Variants in SETX observed in about 807,000 individuals in gnomAD.
SETX encodes helicase senataxin.
A neutral mutation model predicts 227.2 loss-of-function variants in SETX; 90 were observed. That is an observed-to-expected ratio of 0.40 (90% CI 0.33 to 0.47). SETX has a LOEUF of 0.47. Among genes scored for constraint, SETX ranks in the 20% least tolerant of loss-of-function variants. The pLI, the probability that SETX is intolerant of heterozygous loss-of-function variation, is 0.91. For missense variants in SETX, 3,052 were observed against 3,181.5 expected, an observed-to-expected ratio of 0.96 and a Z score of 0.98; for synonymous variants, 1,210 against 1,113.2, an observed-to-expected ratio of 1.09 and a Z score of -1.73.
chr9:132,338,562 C>T (rs1847778457), intron 5 of SETX, among the ~76,000 whole-genome samples: 1 of 152,094 alleles, frequency 6.6e-6, no homozygotes, highest in African/African-American at 2.4e-5. Context: ...ATGACCTCTC[C>T]AAAATTGTAT....
At chr9:132,275,012 G>T in intron 23 of SETX, 1 of 516,354 alleles carries the variant, frequency 1.9e-6, no homozygotes, top group East Asian at 3.2e-5. Flanking sequence ...TAAAGACCTG[G>T]CAAGTTTCTT....
At position 132,264,413 on chromosome 9, in the gene SETX, G is replaced by A. The variant is rs778362262; in HGVS notation, c.7860C>T (p.Ser2620=). The part of the protein sequence containing the change: ...AASPEASTCQ[S]KCDDPEEELC... ...GCTCCTCTTCCGGGTCATCACATTT[G>A]CTCTGACACGTGGAAGCCTCGGGAC... The change falls in exon 26 of 26, where the codon AGC becomes AGT. Residue 2620 remains serine (S), a synonymous_variant. Coordinates refer to ENST00000224140, the MANE Select transcript of SETX (RefSeq NM_015046.7). The A allele has an allele frequency of 3.1e-6, 5 of 1,614,108 alleles. No homozygotes were observed. Among genetic ancestry groups the A allele is most frequent in the Non-Finnish European group, 4.2e-6 (5 of 1,180,026 alleles).
At chr9:132,318,270 A>G (rs1303631841) in intron 10 of SETX, among the ~76,000 whole-genome samples, 1 of 151,978 alleles carries the variant, frequency 6.6e-6, no homozygotes, top group Non-Finnish European at 1.5e-5. Flanking sequence ...TATTTTTTCG[A>G]GAATATTTAA....
Position 132,264,542 on chromosome 9 carries a change from G to C in SETX, c.7731C>G (p.Phe2577Leu). The C allele has an allele frequency of 1.9e-6, 3 of 1,614,052 alleles. No homozygotes were observed. The highest frequency in any genetic ancestry group is 2.5e-6 in the Non-Finnish European group (3 of 1,180,002). The change falls in exon 26 of 26, where the codon TTC becomes TTG. Residue 2577 changes from phenylalanine (F) to leucine (L), a missense_variant. Phe to Leu is a conservative substitution (Grantham distance 22). Coordinates refer to ENST00000224140, the MANE Select transcript of SETX (RefSeq NM_015046.7). ...GGCTCAGGTCCTGGTGAACGACAGG[G>C]AAGCCCGGCTCGCCCGTAGGAGGTG... ...GATPPTGEPG[F>L]PVVHQDLSHI...
At chr9:132,278,436 T>A (rs914981477) in intron 20 of SETX, among the ~76,000 whole-genome samples, 179 bp from the exon 21 acceptor site, 1 of 112,786 alleles carries the variant, frequency 8.9e-6, no homozygotes, top group Non-Finnish European at 1.8e-5. Context: ...ATGCCATGAA[T>A]CTTTTTTTTT....
At chr9:132,277,697 T>C (rs1229482299) in intron 21 of SETX, among the ~76,000 whole-genome samples, 1 of 151,056 alleles carries the variant, frequency 6.6e-6, no homozygotes, top group Non-Finnish European at 1.5e-5. Context: ...GGCAGGTGGA[T>C]TGATTGAGCC....
In SETX at chr9:132,275,282, A is replaced by C. The variant is rs138508512; in HGVS notation, c.7074T>G (p.Asp2358Glu). ...YKAQKTMIQK[D>E]LDKEFDRKGP... ...CTTTTCTATCGAACTCTTTGTCCAA[A>C]TCCTTCTGAATCATCGTCTTCTGGG... is the stretch of plus-strand genomic sequence containing the variant. Residue 2358 changes from aspartate (D) to glutamate (E), a missense_variant, in exon 23 of 26, where the codon GAT becomes GAG. Physicochemically the swap from Asp to Glu is conservative, Grantham distance 45. Around this residue, in one of 10 missense-constraint regions of SETX, gnomAD observed 412 missense variants for 589.0 expected, o/e 0.70. Coordinates refer to ENST00000224140, the MANE Select transcript of SETX (RefSeq NM_015046.7). The C allele has an allele frequency of 1.2e-6, 2 of 1,614,126 alleles. No homozygotes were observed. Among genetic ancestry groups the C allele is most frequent in the Non-Finnish European group, 1.7e-6 (2 of 1,180,018 alleles).
intron 25 of SETX, among the ~76,000 whole-genome samples, chr9:132,267,612 T>C (rs889861886): frequency 3.9e-5 from 6 of 152,326 alleles, no homozygotes; most frequent in Non-Finnish European, 8.8e-5. Flanking sequence ...AGCTGACATG[T>C]CGGGAAGTTT....
chr9:132,277,806 A>C (rs1394674806), intron 21 of SETX, among the ~76,000 whole-genome samples: 1 of 106,148 alleles, frequency 9.4e-6, no homozygotes, highest in Non-Finnish European at 1.7e-5. Flanking sequence ...AAAAAAAAAA[A>C]AAAAAAGGAC....
At chr9:132,316,865 T>C (rs2131376967) in intron 10 of SETX, among the ~76,000 whole-genome samples, 1 of 152,346 alleles carries the variant, frequency 6.6e-6, no homozygotes, top group Admixed American at 6.5e-5. Flanking sequence ...GCAACTATCA[T>C]TCCCCCCATG....
chr9:132,297,206 T>C, intron 13 of SETX, 152 bp from the exon 14 acceptor site: 3 of 663,386 alleles, frequency 4.5e-6, no homozygotes, highest in Middle Eastern at 4.1e-4. Context: ...CAAAGTGACC[T>C]TTAATCTAAA....
rs1844781818 is a variant in SETX at position 132,298,187 on chromosome 9, CT to C, written c.5673del (p.Ala1892ProfsTer16). The stretch of plus-strand genomic sequence containing the variant: ...TTCCGACTACCCAACAGAGACATGG[CT>C]TTCAACTTCCTTTGTGTAGTTACCA... ...SSLVTTQRKL[K>X]AMSLLGSRNQ... On this transcript the variant is annotated frameshift_variant, in exon 13 of 26. Coordinates refer to ENST00000224140, the MANE Select transcript of SETX (RefSeq NM_015046.7). LOFTEE classifies it high-confidence loss of function. 5.0e-6 allele frequency: 8 copies of C among 1,614,096 alleles called. No individual in the cohort carries two copies. The highest frequency in any genetic ancestry group is 6.8e-6 in the Non-Finnish European group (8 of 1,179,988).
In SETX at chr9:132,311,648, T is replaced by C. The variant is rs149556737; in HGVS notation, c.5374+109A>G. 5.6e-4 allele frequency: 426 copies of C among 762,650 alleles called. 3 individuals are homozygous for C. The African/African-American group carries it at 6.7e-3, about 12-fold the overall frequency. The allele number at this position is 762,650 out of a possible 1,614,324, so 47.2% of individuals were successfully genotyped here. A position where few individuals can be genotyped will look rare whatever the true frequency, so the allele number is the denominator to read the frequency against. Reference sequence around the variant, plus strand: ...AGCATATTCTAAGAAGTCACAAATTTAGCTTAGAAAATTTGTGTCCCCCTA... The same window carrying C: ...AGCATATTCTAAGAAGTCACAAATTCAGCTTAGAAAATTTGTGTCCCCCTA... On this transcript the variant is annotated intron_variant, in intron 11 of 25. Transcript: ENST00000224140.
intron 2 of SETX, among the ~76,000 whole-genome samples, chr9:132,352,194 T>C (rs492082): frequency 0.78 from 118,974 of 152,110 alleles, 47,324 homozygotes; most frequent in Non-Finnish European, 0.86. Flanking sequence ...ATCCAATAGG[T>C]TCCTGACCTG....
chr9:132,318,643 TG>T (rs1846143629), intron 10 of SETX, among the ~76,000 whole-genome samples: 1 of 152,130 alleles, frequency 6.6e-6, no homozygotes, highest in Non-Finnish European at 1.5e-5. Context: ...GCCCTAGGGA[TG>T]GGAGGGAACA....
chr9:132,310,017 G>A (rs893451390), intron 11 of SETX, among the ~76,000 whole-genome samples: 1 of 152,154 alleles, frequency 6.6e-6, no homozygotes, highest in African/African-American at 2.4e-5. Flanking sequence ...GAGTCAGTAT[G>A]TAAGTCAAAG....
In SETX at chr9:132,263,451, T is replaced by C. The variant is rs951581962; in HGVS notation, c.*788A>G. On this transcript the variant is annotated 3_prime_UTR_variant, in exon 26 of 26. Transcript: ENST00000224140. ...CAATATGCTGGGAGCATTTGAATGA[T>C]AGCTCAAGAATTATTCTTTCACTCC... 2.6e-5 allele frequency: 4 copies of C among 152,252 alleles called. No homozygotes were observed. The highest frequency in any genetic ancestry group is 4.8e-5 in the African/African-American group (2 of 41,468). The allele number at this position is 152,252 out of a possible 1,614,324, so 9.4% of individuals were successfully genotyped here.
At position 132,327,649 on chromosome 9, in the gene SETX, C is replaced by T. The variant is rs372877469; in HGVS notation, c.3949G>A (p.Val1317Ile). 1.9e-6 allele frequency: 3 copies of T among 1,613,874 alleles called. No homozygotes were observed. The East Asian group carries it at 6.7e-5, about 36-fold the overall frequency. The change falls in exon 10 of 26, where the codon GTT becomes ATT. Residue 1317 changes from valine (V) to isoleucine (I), a missense_variant. Val to Ile is a conservative substitution (Grantham distance 29). Coordinates refer to ENST00000224140, the MANE Select transcript of SETX (RefSeq NM_015046.7). The stretch of plus-strand genomic sequence containing the variant: ...TTTTTTCGGGTATCAACTACTCCAA[C>T]AGTTTTGCCATGATCACGTAATTGA... ...VAQLRDHGKTVGVVDTRKKTK... is the reference protein window; with the variant it reads ...VAQLRDHGKTIGVVDTRKKTK...
At chr9:132,315,887 G>A (rs1845936245) in intron 10 of SETX, among the ~76,000 whole-genome samples, 1 of 152,130 alleles carries the variant, frequency 6.6e-6, no homozygotes, top group Non-Finnish European at 1.5e-5. Context: ...ATCCACTACA[G>A]CTGTGTTAGT....
Sources: gnomAD v4.1 joint callset for allele counts (sites outside exome capture counted in the v4.1 genomes callset) on GRCh38, gnomAD v4.1.1 for gene constraint, gnomAD v4.1.1 regional missense constraint, MANE v1.5 for transcripts, NCBI Gene and HGNC (gene_info 2026-07-23, HGNC 2026-07-21) for gene names.